ZNG1C: variants seen among roughly 807,000 people sequenced by gnomAD.
The protein encoded by ZNG1C is Zn regulated GTPase metalloprotein activator 1C, also known as zinc-regulated GTPase metalloprotein activator 1C.
At chr9:68,299,099 T>C in the ZNG1C span, 1 of 1,608,980 alleles carries the variant, frequency 6.2e-7, no homozygotes, top group South Asian at 1.1e-5. Context: ...CATTGGTAAG[T>C]CTCAAAGGAT....
At chr9:68,252,340 G>A in the ZNG1C span, among the ~76,000 whole-genome samples, 56 of 110,432 alleles carry the variant, frequency 5.1e-4, no homozygotes, top group African/African-American at 1.1e-3. Flanking sequence ...CTTCTCTATA[G>A]CTATGAAAGT....
the ZNG1C span, chr9:68,247,578 A>G: frequency 1.5e-6 from 2 of 1,326,790 alleles, no homozygotes; most frequent in Admixed American, 5.4e-5. Context: ...GCTAATGGAC[A>G]TAAGCTAAAG....
At chr9:68,297,295 A>C in the ZNG1C span, among the ~76,000 whole-genome samples, 10 of 139,770 alleles carry the variant, frequency 7.2e-5, no homozygotes, top group South Asian at 2.3e-3. Context: ...GAAAGAATGA[A>C]TTAAATAATG....
At chr9:68,275,329 T>A in the ZNG1C span, among the ~76,000 whole-genome samples, 3 of 147,350 alleles carry the variant, frequency 2.0e-5, no homozygotes, top group African/African-American at 4.9e-5. Context: ...TTTTTTAATT[T>A]ATTTATTTAT....
At chr9:68,299,968 A>G in the ZNG1C span, 6 of 152,992 alleles carry the variant, frequency 3.9e-5, no homozygotes, top group East Asian at 9.7e-4. Flanking sequence ...TAACACAAGT[A>G]AGTGTCACCA....
At chr9:68,270,904 C>CA in the ZNG1C span, 2 of 145,666 alleles carry the variant, frequency 1.4e-5, no homozygotes, top group Middle Eastern at 3.3e-3. Context: ...AACAAACAAA[C>CA]AAAAAACCCG....
chr9:68,297,232 G>A, the ZNG1C span, among the ~76,000 whole-genome samples: 1 of 149,610 alleles, frequency 6.7e-6, no homozygotes, highest in Admixed American at 6.7e-5. Flanking sequence ...ACCTGGCCCT[G>A]TGTAGTGAGT....
chr9:68,299,270 G>A, the ZNG1C span: 22 of 1,483,968 alleles, frequency 1.5e-5, no homozygotes, highest in Non-Finnish European at 1.9e-5. Flanking sequence ...TAGGACTTTT[G>A]TTCTTCTTCA....
chr9:68,296,560 C>T, the ZNG1C span, among the ~76,000 whole-genome samples: 1 of 152,286 alleles, frequency 6.6e-6, no homozygotes, highest in African/African-American at 2.4e-5. Context: ...TTTGTATTTT[C>T]TGCTGTAAGC....
chr9:68,269,164 T>C, the ZNG1C span: 20 of 599,128 alleles, frequency 3.3e-5, no homozygotes, highest in South Asian at 3.7e-4. Context: ...GACTAGTACA[T>C]TTGCCTGTCT....
chr9:68,296,578 A>G, the ZNG1C span, among the ~76,000 whole-genome samples: 2 of 152,268 alleles, frequency 1.3e-5, no homozygotes, highest in Non-Finnish European at 2.9e-5. Context: ...AGCCTGTATG[A>G]TTATGTAATG....
At chr9:68,268,394 G>C in the ZNG1C span, among the ~76,000 whole-genome samples, 1 of 152,118 alleles carries the variant, frequency 6.6e-6, no homozygotes, top group Non-Finnish European at 1.5e-5. Context: ...CGGGTAGAGA[G>C]CCTAATTAGG....
At chr9:68,244,132 T>C in the ZNG1C span, among the ~76,000 whole-genome samples, 6 of 46,392 alleles carry the variant, frequency 1.3e-4, 3 homozygotes, top group Non-Finnish European at 2.1e-4. Flanking sequence ...TTTGAATGAA[T>C]GAACTATGTC....
At chr9:68,290,546 G>A in the ZNG1C span, among the ~76,000 whole-genome samples, 8 of 87,680 alleles carry the variant, frequency 9.1e-5, no homozygotes, top group Middle Eastern at 0.012. Context: ...ACTCCAGCCT[G>A]GGCAACAGAG....
the ZNG1C span, among the ~76,000 whole-genome samples, chr9:68,296,651 A>G: frequency 4.6e-5 from 7 of 152,196 alleles, no homozygotes; most frequent in East Asian, 5.8e-4. Context: ...GTGCTTTAGT[A>G]TATTATTTTC....
chr9:68,279,253 CTT>C, the ZNG1C span, among the ~76,000 whole-genome samples: 1 of 107,184 alleles, frequency 9.3e-6, no homozygotes, highest in African/African-American at 3.7e-5. Flanking sequence ...GGTCTTGACT[CTT>C]TATCCAATTT....
the ZNG1C span, among the ~76,000 whole-genome samples, chr9:68,247,113 A>G: frequency 6.6e-6 from 1 of 152,230 alleles, no homozygotes; most frequent in Admixed American, 6.5e-5. Flanking sequence ...TTTTTAAATG[A>G]GCACATGGTA....
chr9:68,261,619 GTCA>G, the ZNG1C span, among the ~76,000 whole-genome samples: 1 of 55,464 alleles, frequency 1.8e-5, no homozygotes, highest in Non-Finnish European at 3.3e-5. Flanking sequence ...ATTAACTACA[GTCA>G]TCATGCTGTA....
the ZNG1C span, among the ~76,000 whole-genome samples, chr9:68,289,972 A>AC: frequency 1.4e-5 from 2 of 147,918 alleles, no homozygotes; most frequent in Non-Finnish European, 3.0e-5. Context: ...CCCATAAGGA[A>AC]CACCTGGGTT....
Sources: gnomAD v4.1 joint callset for allele counts (sites outside exome capture counted in the v4.1 genomes callset) on GRCh38, gnomAD v4.1.1 for gene constraint, MANE v1.5 for transcripts, NCBI Gene and HGNC (gene_info 2026-07-23, HGNC 2026-07-21) for gene names.